Variants in PDE3A observed in about 807,000 individuals in gnomAD.
PDE3A encodes cGMP-inhibited 3',5'-cyclic phosphodiesterase 3A.
A neutral mutation model predicts 98.3 loss-of-function variants in PDE3A; 43 were observed. The ratio of observed to expected loss-of-function variants is 0.44; its 90% confidence interval spans 0.34 to 0.56. The LOEUF is 0.56. Among genes scored for constraint, PDE3A ranks in the 20% least tolerant of loss-of-function variants. The probability of loss-of-function intolerance (pLI) is 0.01; values close to 1 mark genes in which losing one functional copy is unlikely to be tolerated. For synonymous variants in PDE3A, 663 were observed against 567.9 expected, an observed-to-expected ratio of 1.17 and a Z score of -2.38; for missense variants, 1,427 against 1,440.7, an observed-to-expected ratio of 0.99 and a Z score of 0.15.
intron 5 of PDE3A, among the ~76,000 whole-genome samples, chr12:20,621,949 G>A (rs563568082): frequency 2.0e-5 from 3 of 152,050 alleles, no homozygotes; most frequent in Non-Finnish European, 4.4e-5. Context: ...GTCAGATTCC[G>A]TCTCTGAATT....
chr12:20,416,825 C>T (rs1283596216), intron 1 of PDE3A, among the ~76,000 whole-genome samples: 1 of 152,096 alleles, frequency 6.6e-6, no homozygotes, highest in East Asian at 1.9e-4. Context: ...ACTACTTGGT[C>T]ACTTTTAATT....
At chr12:20,444,217 GTTTTC>G (rs1944916394) in intron 1 of PDE3A, among the ~76,000 whole-genome samples, 2 of 152,108 alleles carry the variant, frequency 1.3e-5, no homozygotes, top group South Asian at 2.1e-4. Flanking sequence ...CTGTAGCTGA[GTTTTC>G]TTTTCTTTTC....
chr12:20,466,761 G>C (rs1248811703), intron 1 of PDE3A, among the ~76,000 whole-genome samples: 1 of 152,158 alleles, frequency 6.6e-6, no homozygotes, highest in Non-Finnish European at 1.5e-5. Flanking sequence ...GTGTGTGATA[G>C]ACGAAGTTTG....
At chr12:20,541,288 A>G (rs1941902637) in intron 1 of PDE3A, among the ~76,000 whole-genome samples, 1 of 151,244 alleles carries the variant, frequency 6.6e-6, no homozygotes, top group Non-Finnish European at 1.5e-5. Flanking sequence ...TTTTGTAGAG[A>G]CTGAGGTCTC....
In PDE3A at chr12:20,461,119, C is replaced by A. The variant is rs532520127; in HGVS notation, c.960+90875C>A. On this transcript the variant is annotated intron_variant, in intron 1 of 15. Coordinates refer to ENST00000359062, the MANE Select transcript of PDE3A (RefSeq NM_000921.5). Reference sequence around the variant, plus strand: ...GCCTTTCATTTCTACTCTAATGTTACTGATTAAGATAAGGGGAGCAGATCT... The same window carrying A: ...GCCTTTCATTTCTACTCTAATGTTAATGATTAAGATAAGGGGAGCAGATCT... Among the ~76,000 whole-genome samples the A allele has an allele frequency of 2.7e-5, 4 of 150,782 alleles. No individual in the cohort carries two copies. The South Asian group carries it at 8.4e-4, about 31-fold the overall frequency.
In PDE3A at chr12:20,552,850, C is replaced by T; in HGVS notation, c.961-3810C>T. 6.2e-7 allele frequency: 1 copy of T among 1,613,870 alleles called. No individual in the cohort carries two copies. Among genetic ancestry groups the T allele is most frequent in the Non-Finnish European group, 8.5e-7 (1 of 1,179,816 alleles). On this transcript the variant is annotated intron_variant, in intron 1 of 15. Coordinates refer to ENST00000359062, the MANE Select transcript of PDE3A (RefSeq NM_000921.5). This position sits in a 1 kb window ranked among gnomAD's most constrained non-coding sequence, Gnocchi z 5.1. ...CCGGCCCATCACGACCGTGTGCCAG[C>T]ACAACGTGTGCAAGGACTGCCTGGA...
At position 20,680,336 on chromosome 12, in the gene PDE3A, A is replaced by T; in HGVS notation, c.*65A>T. 6.5e-7 allele frequency: 1 copy of T among 1,543,126 alleles called. No individual in the cohort carries two copies. The highest frequency in any genetic ancestry group is 1.8e-5 in the Admixed American group (1 of 56,164). On this transcript the variant is annotated 3_prime_UTR_variant, in exon 16 of 16. Coordinates refer to ENST00000359062, the MANE Select transcript of PDE3A (RefSeq NM_000921.5). ...TGTCAAAGACTCTCTTCAAGCCAGC[A>T]CAACATTTAGACACAACACTGTAGA... is the stretch of plus-strand genomic sequence containing the variant.
At chr12:20,649,785 G>A (rs921833218) in intron 13 of PDE3A, among the ~76,000 whole-genome samples, 10 of 152,082 alleles carry the variant, frequency 6.6e-5, no homozygotes, top group Admixed American at 5.9e-4. Flanking sequence ...AATTGGCCAG[G>A]TGTGGTGGCG....
intron 1 of PDE3A, among the ~76,000 whole-genome samples, chr12:20,545,784 A>AC (rs1565584191): frequency 6.0e-5 from 8 of 132,374 alleles, no homozygotes; most frequent in South Asian, 2.4e-4. Context: ...TGCCAAAAAA[A>AC]AAAAAACAAA....
chr12:20,540,225 A>G (rs184838751), intron 1 of PDE3A, among the ~76,000 whole-genome samples: 2 of 152,258 alleles, frequency 1.3e-5, no homozygotes, highest in African/African-American at 4.8e-5. Flanking sequence ...TTTCAAAGTA[A>G]AAATTGTCTT....
intron 1 of PDE3A, among the ~76,000 whole-genome samples, chr12:20,459,175 C>G (rs896555467): frequency 6.6e-6 from 1 of 152,068 alleles, no homozygotes; most frequent in African/African-American, 2.4e-5. Context: ...TATCAAGTTA[C>G]TGTTTAAACA....
chr12:20,549,328 TGTAATC>T (rs1565585365), intron 1 of PDE3A, among the ~76,000 whole-genome samples: 1 of 151,062 alleles, frequency 6.6e-6, no homozygotes, highest in African/African-American at 2.4e-5. Context: ...GCCAGAATGC[TGTAATC>T]GTGGGAAGGA....
chr12:20,667,506 C>T (rs10770691), intron 15 of PDE3A, among the ~76,000 whole-genome samples: 1 of 151,934 alleles, frequency 6.6e-6, no homozygotes, highest in Non-Finnish European at 1.5e-5. Flanking sequence ...TCCAATTTTC[C>T]CAGCACCACT....
intron 1 of PDE3A, among the ~76,000 whole-genome samples, chr12:20,474,208 A>G (rs1393061530): frequency 6.6e-6 from 1 of 152,080 alleles, no homozygotes; most frequent in Non-Finnish European, 1.5e-5. Flanking sequence ...AATGATGTTG[A>G]AGCTCTTTTT....
At chr12:20,389,822 T>G (rs985470135) in intron 1 of PDE3A, among the ~76,000 whole-genome samples, 4 of 152,054 alleles carry the variant, frequency 2.6e-5, no homozygotes, top group Non-Finnish European at 5.9e-5. Context: ...GGTAAAGTTC[T>G]GTCTTCCTGT....
chr12:20,633,859 T>C, intron 7 of PDE3A, 81 bp downstream of exon 7: 1 of 759,790 alleles, frequency 1.3e-6, no homozygotes, highest in Non-Finnish European at 2.2e-6. Context: ...GTGATCTACA[T>C]TTCTGATATT....
At position 20,649,692 on chromosome 12, in the gene PDE3A, G is replaced by A. The variant is rs376896318; in HGVS notation, c.2770-753G>A. ...TATAATCTCAACACTTTGGGAGGCC[G>A]AGGTGGGTGGATCACTTGAGGCCAG... On this transcript the variant is annotated intron_variant, in intron 13 of 15. Transcript: ENST00000359062. Among the ~76,000 whole-genome samples the A allele has an allele frequency of 1.4e-4, 22 of 152,224 alleles. No individual in the cohort carries two copies. The South Asian group carries it at 4.4e-3, about 30-fold the overall frequency.
At chr12:20,593,799 G>A (rs569997221) in intron 2 of PDE3A, among the ~76,000 whole-genome samples, 12 of 152,278 alleles carry the variant, frequency 7.9e-5, no homozygotes, top group South Asian at 2.1e-4. Flanking sequence ...CCAGAAGCTC[G>A]AAGGAGTGGT....
chr12:20,647,046 G>C, intron 12 of PDE3A, 96 bp downstream of exon 12: 1 of 789,168 alleles, frequency 1.3e-6, no homozygotes, highest in Non-Finnish European at 2.2e-6. Flanking sequence ...GTTAATATAA[G>C]CCAAACTATA....
Sources: gnomAD v4.1 joint callset for allele counts (sites outside exome capture counted in the v4.1 genomes callset) on GRCh38, gnomAD v4.1.1 for gene constraint, Gnocchi (gnomAD v3.1) non-coding constraint, MANE v1.5 for transcripts, NCBI Gene and HGNC (gene_info 2026-07-23, HGNC 2026-07-21) for gene names.